The following SHISA9 variants were observed in gnomAD, a reference collection of about 807,000 sequenced individuals.
The protein encoded by SHISA9 is protein shisa-9.
A neutral mutation model predicts 38.0 loss-of-function variants in SHISA9; 13 were observed. That is an observed-to-expected ratio of 0.34 (90% CI 0.22 to 0.54). The LOEUF (loss-of-function observed/expected upper bound fraction) is 0.54, where lower values mean the gene tolerates loss of function less well. Among genes scored for constraint, SHISA9 ranks in the 20% least tolerant of loss-of-function variants. SHISA9 has a pLI of 0.91. For synonymous variants in SHISA9, 275 were observed against 242.0 expected (o/e 1.14, Z -1.27); for missense variants, 538 against 575.8 (o/e 0.93, Z 0.67).
the SHISA9 span, among the ~76,000 whole-genome samples, chr16:13,382,519 A>C: frequency 2.8e-5 from 4 of 144,660 alleles, no homozygotes; most frequent in Non-Finnish European, 6.1e-5. Context: ...GAAAAGGGTG[A>C]AACTCCATCT....
At chr16:13,341,677 T>C in the SHISA9 span, among the ~76,000 whole-genome samples, 3,859 of 152,304 alleles carry the variant, frequency 0.025, 83 homozygotes, top group African/African-American at 0.055. Flanking sequence ...TTTGCTAACC[T>C]GTATTTGTTT....
Position 12,902,564 on chromosome 16 carries a change from T to C in SHISA9, c.500T>C (p.Val167Ala). The C allele has an allele frequency of 6.4e-7, 1 of 1,551,284 alleles. No individual in the cohort carries two copies. ...ICGVVAVMVL[V>A]GIFTKLGLEK... The stretch of plus-strand genomic sequence containing the variant: ...GGGGTGGTGGCCGTCATGGTGCTCG[T>C]GGGCATCTTCACCAAGCTGGGGCTG... Residue 167 changes from valine to alanine, a missense_variant, in exon 1 of 5, where the codon GTG (valine) becomes GCG (alanine). Physicochemically the swap from Val to Ala is moderately conservative, Grantham distance 64. Around this residue, in one of 4 missense-constraint regions of SHISA9, gnomAD observed 88 missense variants for 109.7 expected, o/e 0.80. Transcript: ENST00000558583.
At chr16:13,066,649 C>T (rs1283860245) in intron 2 of SHISA9, among the ~76,000 whole-genome samples, 3 of 152,180 alleles carry the variant, frequency 2.0e-5, no homozygotes, top group African/African-American at 7.2e-5. Flanking sequence ...CCATGCCTGC[C>T]TCATAAGGGT....
At chr16:13,214,193 C>G (rs1279140095) in intron 4 of SHISA9, among the ~76,000 whole-genome samples, 1 of 151,996 alleles carries the variant, frequency 6.6e-6, no homozygotes, top group Non-Finnish European at 1.5e-5. Context: ...GGAGGTAGAA[C>G]TATTTATCTA....
At chr16:12,908,595 T>A in intron 1 of SHISA9, 1 of 1,551,676 alleles carries the variant, frequency 6.4e-7, no homozygotes, top group Non-Finnish European at 8.7e-7. Flanking sequence ...CACGGATCCT[T>A]GGCCGCTAGG....
chr16:13,142,671 C>A (rs2050411818), intron 2 of SHISA9, among the ~76,000 whole-genome samples: 1 of 152,154 alleles, frequency 6.6e-6, no homozygotes, highest in Non-Finnish European at 1.5e-5. Flanking sequence ...TTTGTTTACT[C>A]CAAGTTCGTT....
At chr16:12,913,080 C>A (rs1201309224) in intron 1 of SHISA9, among the ~76,000 whole-genome samples, 1 of 152,004 alleles carries the variant, frequency 6.6e-6, no homozygotes. Context: ...GTATACAGTT[C>A]AGTGGTTTTT....
intron 2 of SHISA9, among the ~76,000 whole-genome samples, chr16:13,009,368 C>T (rs1005765961): frequency 7.9e-5 from 12 of 152,158 alleles, no homozygotes; most frequent in East Asian, 3.9e-4. Flanking sequence ...GTGGGTCAGC[C>T]GGAGCAAAGG....
intron 2 of SHISA9, among the ~76,000 whole-genome samples, chr16:12,923,797 C>T (rs1299780912): frequency 3.3e-5 from 5 of 151,360 alleles, no homozygotes; most frequent in East Asian, 1.9e-4. Context: ...GCCGAGATCA[C>T]GTCACTGCAC....
At chr16:13,436,670 C>G in the SHISA9 span, among the ~76,000 whole-genome samples, 1 of 152,182 alleles carries the variant, frequency 6.6e-6, no homozygotes, top group Non-Finnish European at 1.5e-5. Flanking sequence ...TCCAAGAAGC[C>G]TCTCCTGTGG....
intron 2 of SHISA9, among the ~76,000 whole-genome samples, chr16:13,128,481 C>T (rs2050279783): frequency 6.6e-6 from 1 of 151,920 alleles, no homozygotes; most frequent in Non-Finnish European, 1.5e-5. Flanking sequence ...CCTCTCTAAG[C>T]CTAAATTTTC....
intron 1 of SHISA9, chr16:12,909,250 C>T: frequency 2.0e-6 from 2 of 984,182 alleles, no homozygotes; most frequent in African/African-American, 1.7e-5. Context: ...ATAAAATGCA[C>T]ACATTGTAAG....
At chr16:13,029,478 C>G (rs906764722) in intron 2 of SHISA9, among the ~76,000 whole-genome samples, 1 of 152,200 alleles carries the variant, frequency 6.6e-6, no homozygotes, top group Non-Finnish European at 1.5e-5. Context: ...CGTGGTGGCA[C>G]ACGCTTGTGG....
At chr16:13,310,386 G>A in the SHISA9 span, among the ~76,000 whole-genome samples, 2 of 152,002 alleles carry the variant, frequency 1.3e-5, no homozygotes, top group Non-Finnish European at 2.9e-5. Flanking sequence ...TTATCACATA[G>A]TTTAAGAAAT....
chr16:13,310,885 T>C, the SHISA9 span, among the ~76,000 whole-genome samples: 1 of 152,068 alleles, frequency 6.6e-6, no homozygotes, highest in Admixed American at 6.6e-5. Flanking sequence ...GGTTTCATCC[T>C]GTTGGCCAGG....
chr16:13,283,351 C>T, the SHISA9 span, among the ~76,000 whole-genome samples: 1 of 152,062 alleles, frequency 6.6e-6, no homozygotes, highest in African/African-American at 2.4e-5. Context: ...GTAGGTCTTA[C>T]TCTAGTGTAT....
the SHISA9 span, among the ~76,000 whole-genome samples, chr16:13,526,782 C>T: frequency 1.3e-5 from 2 of 152,190 alleles, no homozygotes; most frequent in East Asian, 1.9e-4. Flanking sequence ...TACCCCAGAC[C>T]GATTAATGCA....
At chr16:13,320,767 C>T in the SHISA9 span, among the ~76,000 whole-genome samples, 1 of 152,206 alleles carries the variant, frequency 6.6e-6, no homozygotes, top group African/African-American at 2.4e-5. Context: ...TATTATTTGG[C>T]AAAAGCACTG....
the SHISA9 span, among the ~76,000 whole-genome samples, chr16:13,491,287 G>A: frequency 6.6e-6 from 1 of 152,048 alleles, no homozygotes; most frequent in Non-Finnish European, 1.5e-5. Context: ...GGATGACGGT[G>A]CCAGTAGCCA....
Sources: allele counts gnomAD v4.1 joint callset (sites outside exome capture counted in the v4.1 genomes callset), GRCh38; gene constraint gnomAD v4.1.1; regional missense constraint gnomAD v4.1.1; transcripts MANE v1.5; gene names NCBI Gene and HGNC (gene_info 2026-07-23, HGNC 2026-07-21).